The following DRC8 variants were observed in gnomAD, a reference collection of about 807,000 sequenced individuals.
The protein encoded by DRC8 is dynein regulatory complex subunit 8.
chr1:245,121,895 CTTATT>C, the DRC8 span: 47 of 416,984 alleles, frequency 1.1e-4, 2 homozygotes, highest in Admixed American at 6.6e-4. Context: ...TTTCTTTTTT[CTTATT>C]TTATTTTATT....
At chr1:245,071,382 G>T in the DRC8 span, among the ~76,000 whole-genome samples, 2 of 152,206 alleles carry the variant, frequency 1.3e-5, no homozygotes, top group East Asian at 3.9e-4. Context: ...TAGAAATATG[G>T]ATGGCAAAGG....
the DRC8 span, among the ~76,000 whole-genome samples, chr1:245,114,390 C>G: frequency 1.3e-5 from 2 of 151,808 alleles, no homozygotes; most frequent in African/African-American, 2.4e-5. Flanking sequence ...GCTTGAAACC[C>G]GGAGGCAGAG....
chr1:245,049,054 C>T, the DRC8 span, among the ~76,000 whole-genome samples: 3 of 151,430 alleles, frequency 2.0e-5, no homozygotes, highest in Non-Finnish European at 2.9e-5. The surrounding 1 kb of genome is among the most constrained non-coding windows in gnomAD (Gnocchi z 4.5). Flanking sequence ...AGCTCGATCT[C>T]GACTCACGCA....
the DRC8 span, among the ~76,000 whole-genome samples, chr1:245,041,699 C>G: frequency 2.0e-5 from 3 of 152,178 alleles, no homozygotes; most frequent in Admixed American, 1.3e-4. Context: ...AAAGCCCAAA[C>G]AAAAGGGAGG....
chr1:245,111,464 A>C, the DRC8 span, among the ~76,000 whole-genome samples: 1 of 152,256 alleles, frequency 6.6e-6, no homozygotes, highest in Non-Finnish European at 1.5e-5. Flanking sequence ...CTTTGTTTAC[A>C]ATGCAGTTGG....
chr1:245,043,468 C>A, the DRC8 span, among the ~76,000 whole-genome samples: 2 of 151,766 alleles, frequency 1.3e-5, no homozygotes, highest in African/African-American at 4.8e-5. Flanking sequence ...AAAAAGAAAT[C>A]AAATGTCTCA....
At chr1:245,064,799 G>T in the DRC8 span, among the ~76,000 whole-genome samples, 1 of 151,954 alleles carries the variant, frequency 6.6e-6, no homozygotes, top group African/African-American at 2.4e-5. Context: ...AATCCATTCT[G>T]GTTCCCAATC....
chr1:244,996,668 C>T, the DRC8 span, among the ~76,000 whole-genome samples: 1 of 152,132 alleles, frequency 6.6e-6, no homozygotes, highest in Admixed American at 6.5e-5. Flanking sequence ...TCGAATCTAG[C>T]CTGGGAATAA....
At chr1:245,041,031 T>C in the DRC8 span, among the ~76,000 whole-genome samples, 1 of 152,206 alleles carries the variant, frequency 6.6e-6, no homozygotes, top group African/African-American at 2.4e-5. Context: ...TAAAGTAGGA[T>C]AATACATTAG....
chr1:245,106,872 C>T, the DRC8 span, among the ~76,000 whole-genome samples: 2 of 152,100 alleles, frequency 1.3e-5, no homozygotes, highest in African/African-American at 4.8e-5. Flanking sequence ...GGCAAAACCC[C>T]GTCTCTACTA....
At chr1:244,974,879 AG>A in the DRC8 span, among the ~76,000 whole-genome samples, 1 of 151,560 alleles carries the variant, frequency 6.6e-6, no homozygotes, top group African/African-American at 2.4e-5. Flanking sequence ...TAATTTGTAG[AG>A]ACAGGGTTTC....
the DRC8 span, among the ~76,000 whole-genome samples, chr1:245,005,373 C>T: frequency 1.3e-5 from 2 of 150,430 alleles, no homozygotes; most frequent in African/African-American, 2.5e-5. Flanking sequence ...TTTTTTTAGA[C>T]GGAGCCTCAC....
At chr1:245,118,304 C>G in the DRC8 span, among the ~76,000 whole-genome samples, 1 of 152,118 alleles carries the variant, frequency 6.6e-6, no homozygotes, top group African/African-American at 2.4e-5. Flanking sequence ...GAAGAGTAGC[C>G]AAGAACAACA....
the DRC8 span, among the ~76,000 whole-genome samples, chr1:244,981,003 C>G: frequency 3.3e-5 from 5 of 152,106 alleles, no homozygotes; most frequent in African/African-American, 9.7e-5. Context: ...ACCAACATGG[C>G]AAAACCCCCT....
At chr1:245,017,050 G>GA in the DRC8 span, among the ~76,000 whole-genome samples, 1 of 152,132 alleles carries the variant, frequency 6.6e-6, no homozygotes, top group African/African-American at 2.4e-5. Context: ...TTTTGCCTCA[G>GA]AAAAAATGTT....
the DRC8 span, among the ~76,000 whole-genome samples, chr1:245,027,460 T>A: frequency 6.6e-6 from 1 of 152,060 alleles, no homozygotes; most frequent in African/African-American, 2.4e-5. Context: ...AGAAAAAAAA[T>A]TAAGTTGAAG....
At chr1:244,994,618 T>C in the DRC8 span, among the ~76,000 whole-genome samples, 1 of 151,982 alleles carries the variant, frequency 6.6e-6, no homozygotes, top group Admixed American at 6.6e-5. Flanking sequence ...TTAGTAGTGA[T>C]GGGGTTTCAC....
the DRC8 span, among the ~76,000 whole-genome samples, chr1:244,995,744 T>G: frequency 2.7e-3 from 414 of 152,314 alleles, 1 homozygote; most frequent in African/African-American, 9.5e-3. Context: ...CCAGTTTATT[T>G]TCTACTTTCC....
chr1:245,018,224 C>T, the DRC8 span, among the ~76,000 whole-genome samples: 6 of 99,904 alleles, frequency 6.0e-5, no homozygotes, highest in African/African-American at 2.7e-4. Flanking sequence ...GAGACTCTGT[C>T]TCAAAAAAAA....
Sources: gnomAD v4.1 joint callset for allele counts (sites outside exome capture counted in the v4.1 genomes callset) on GRCh38, gnomAD v4.1.1 for gene constraint, Gnocchi (gnomAD v3.1) non-coding constraint, MANE v1.5 for transcripts, NCBI Gene and HGNC (gene_info 2026-07-23, HGNC 2026-07-21) for gene names.